SYT1: variants seen among roughly 807,000 people sequenced by gnomAD.
SYT1 encodes the protein synaptotagmin-1.
A neutral mutation model predicts 44.8 loss-of-function variants in SYT1; 8 were observed. That is an observed-to-expected ratio of 0.18 (90% CI 0.10 to 0.32). The LOEUF (loss-of-function observed/expected upper bound fraction) is 0.32, where lower values mean the gene tolerates loss of function less well. Ranked by LOEUF, SYT1 falls within the 10% of genes least tolerant of loss-of-function variation. The pLI is 1.00. For synonymous variants in SYT1, 154 were observed against 188.8 expected (o/e 0.82, Z 1.51); for missense variants, 286 against 509.3 (o/e 0.56, Z 4.22).
intron 3 of SYT1, among the ~76,000 whole-genome samples, chr12:79,064,970 A>AAGAAAGAAAGAAAGAAAG (rs1555194756): frequency 1.3e-3 from 198 of 150,740 alleles, no homozygotes; most frequent in African/African-American, 4.6e-3. Flanking sequence ...GAAAGAAAGA[A>AAGAAAGAAAGAAAGAAAG]AGAAAGAAAG....
At chr12:79,098,166 C>G (rs950746641) in intron 3 of SYT1, among the ~76,000 whole-genome samples, 1 of 152,022 alleles carries the variant, frequency 6.6e-6, no homozygotes, top group Non-Finnish European at 1.5e-5. Context: ...TTAACATCCA[C>G]TTTTATACAC....
intron 1 of SYT1, among the ~76,000 whole-genome samples, chr12:78,865,900 G>A (rs1390921725): frequency 6.9e-6 from 1 of 145,370 alleles, no homozygotes; most frequent in Admixed American, 7.1e-5. Flanking sequence ...TCTGAACTTT[G>A]AAAGCTTTCT....
intron 3 of SYT1, among the ~76,000 whole-genome samples, chr12:79,158,895 CA>C (rs35276771): frequency 6.6e-4 from 91 of 138,588 alleles, no homozygotes; most frequent in East Asian, 1.1e-3. Flanking sequence ...AACCTTGTCT[CA>C]AAAAAAAAAA....
chr12:79,210,414 C>G (rs545420274), intron 3 of SYT1, among the ~76,000 whole-genome samples: 3 of 152,250 alleles, frequency 2.0e-5, no homozygotes, highest in African/African-American at 7.2e-5. Flanking sequence ...CCCACTTTTC[C>G]CAAGTCCCCA....
At chr12:79,366,284 A>T (rs764708522) in intron 9 of SYT1, among the ~76,000 whole-genome samples, 55 of 152,370 alleles carry the variant, frequency 3.6e-4, no homozygotes, top group Admixed American at 1.2e-3. Context: ...TTTCACCAAA[A>T]TTTTTTAAAA....
chr12:78,952,302 C>A (rs1879009239), intron 1 of SYT1, among the ~76,000 whole-genome samples: 1 of 152,100 alleles, frequency 6.6e-6, no homozygotes. Context: ...GACACTGATG[C>A]AGGTGGTTTA....
chr12:79,421,714 T>G (rs1869132148), intron 9 of SYT1, among the ~76,000 whole-genome samples: 2 of 151,556 alleles, frequency 1.3e-5, no homozygotes, highest in South Asian at 2.1e-4. Flanking sequence ...GTTTTCTGTT[T>G]TTTTTTTTTA....
intron 2 of SYT1, among the ~76,000 whole-genome samples, chr12:78,981,408 G>T (rs1039039036): frequency 2.0e-5 from 3 of 152,126 alleles, no homozygotes; most frequent in Non-Finnish European, 4.4e-5. Flanking sequence ...TTACAGGTGA[G>T]AGCCACCATG....
rs1256636712 is a variant in SYT1 at position 79,313,782 on chromosome 12, AT to A, written c.810+14234del. 2.0e-5 allele frequency among the ~76,000 whole-genome samples: 3 copies of A among 152,094 alleles called. No homozygotes were observed. The East Asian group carries it at 5.8e-4, about 29-fold the overall frequency. On this transcript the variant is annotated intron_variant, in intron 8 of 10. Coordinates refer to ENST00000261205, the MANE Select transcript of SYT1 (RefSeq NM_005639.3). ...AATCCTTTCATAAAATGGGATTAGT[AT>A]TTACTCACCTCCATGAGTTGTGACA...
intron 1 of SYT1, among the ~76,000 whole-genome samples, chr12:78,929,925 G>C (rs1351874968): frequency 6.6e-6 from 1 of 152,090 alleles, no homozygotes; most frequent in East Asian, 1.9e-4. Flanking sequence ...AAAATGATGA[G>C]AACAAAATTC....
chr12:79,331,033 C>G (rs756066927), intron 8 of SYT1, among the ~76,000 whole-genome samples: 2 of 152,066 alleles, frequency 1.3e-5, no homozygotes, highest in Admixed American at 6.6e-5. Flanking sequence ...TCTTAGTGAC[C>G]CCAGGAAAAA....
chr12:79,132,750 G>C (rs1868930381), intron 3 of SYT1, among the ~76,000 whole-genome samples: 1 of 148,158 alleles, frequency 6.7e-6, no homozygotes. Context: ...ATACTGGGTA[G>C]CTATCGAAAT....
At chr12:79,274,023 G>A (rs542226381) in intron 4 of SYT1, among the ~76,000 whole-genome samples, 91 of 152,348 alleles carry the variant, frequency 6.0e-4, no homozygotes, top group African/African-American at 2.1e-3. Context: ...GGCAGAGGTT[G>A]CAGTGAGCCG....
At chr12:79,150,639 C>T (rs1870214068) in intron 3 of SYT1, among the ~76,000 whole-genome samples, 1 of 152,120 alleles carries the variant, frequency 6.6e-6, no homozygotes, top group East Asian at 1.9e-4. Flanking sequence ...ATGAGGAGGG[C>T]ACAAAAACAA....
chr12:78,984,652 A>G (rs1000134455), intron 2 of SYT1, among the ~76,000 whole-genome samples: 7 of 152,042 alleles, frequency 4.6e-5, no homozygotes, highest in Admixed American at 3.3e-4. Context: ...TGGAAAATAA[A>G]TGTTTATATT....
At position 79,212,852 on chromosome 12, in the gene SYT1, C is replaced by T. The variant is rs538517056; in HGVS notation, c.-17-4651C>T. 2.0e-5 allele frequency among the ~76,000 whole-genome samples: 3 copies of T among 152,224 alleles called. No homozygotes were observed. The South Asian group carries it at 6.2e-4, about 32-fold the overall frequency. ...GGATCAGGCTAAATCTGTGTAGGACCAATCACTTAATCCTGGGAAAGCCAC... is the reference window on the plus strand; with the variant it reads ...GGATCAGGCTAAATCTGTGTAGGACTAATCACTTAATCCTGGGAAAGCCAC... On this transcript the variant is annotated intron_variant, in intron 3 of 10. Transcript: ENST00000261205.
intron 3 of SYT1, among the ~76,000 whole-genome samples, chr12:79,120,952 T>G (rs200977717): frequency 2.7e-4 from 40 of 146,284 alleles, no homozygotes; most frequent in African/African-American, 1.0e-3. Context: ...TATATATATA[T>G]AGATATATAT....
intron 1 of SYT1, among the ~76,000 whole-genome samples, chr12:78,882,273 G>A (rs1000366154): frequency 2.8e-4 from 43 of 151,764 alleles, no homozygotes; most frequent in African/African-American, 9.4e-4. Flanking sequence ...TTCTGTATTG[G>A]GGAGGAAACA....
At chr12:79,200,449 G>A (rs1218266367) in intron 3 of SYT1, among the ~76,000 whole-genome samples, 2 of 152,126 alleles carry the variant, frequency 1.3e-5, no homozygotes, top group African/African-American at 2.4e-5. Flanking sequence ...AGGGCTCTCT[G>A]AGTAATGTGG....
Sources: allele counts gnomAD v4.1 joint callset (sites outside exome capture counted in the v4.1 genomes callset), GRCh38; gene constraint gnomAD v4.1.1; transcripts MANE v1.5; gene names NCBI Gene and HGNC (gene_info 2026-07-23, HGNC 2026-07-21).